The following SLC48A1 variants were observed in gnomAD, a reference collection of about 807,000 sequenced individuals.
SLC48A1 encodes heme transporter HRG1.
SLC48A1 carries 6 observed loss-of-function variants against 14.8 expected under a neutral mutation model. The observed-to-expected ratio is 0.41, with a 90% confidence interval of 0.22 to 0.80. SLC48A1 has a LOEUF of 0.80. SLC48A1 is among the 30% of genes least tolerant of loss of function. The probability of loss-of-function intolerance (pLI) is 0.34; values close to 1 mark genes in which losing one functional copy is unlikely to be tolerated. For synonymous variants in SLC48A1, 89 were observed against 90.0 expected, an observed-to-expected ratio of 0.99 and a Z score of 0.06; for missense variants, 165 against 204.8, an observed-to-expected ratio of 0.81 and a Z score of 1.19.
rs1942769116 is a variant in SLC48A1 at position 47,777,045 on chromosome 12, G to A, written c.137-1983G>A. 6.6e-6 allele frequency among the ~76,000 whole-genome samples: 1 copy of A among 152,176 alleles called. No homozygotes were observed. Among genetic ancestry groups the A allele is most frequent in the Non-Finnish European group, 1.5e-5 (1 of 68,034 alleles). ...AGACTGCTCCTTGAGTGTGCTCAGT[G>A]ACAACACCCCTTGTTCCCAGGGCCC... On this transcript the variant is annotated intron_variant, in intron 1 of 2. Coordinates refer to ENST00000442218, the MANE Select transcript of SLC48A1 (RefSeq NM_017842.3). The surrounding 1 kb of genome is among the most constrained non-coding windows in gnomAD (Gnocchi z 4.5).
chr12:47,768,273 G>T (rs140043916), upstream of SLC48A1, among the ~76,000 whole-genome samples: 3 of 152,100 alleles, frequency 2.0e-5, no homozygotes, highest in Non-Finnish European at 4.4e-5. Context: ...CACTGCACCC[G>T]GCCATGGCTA....
intron 2 of SLC48A1, chr12:47,760,551 A>G (rs939359733): frequency 1.2e-5 from 3 of 257,958 alleles, no homozygotes; most frequent in Non-Finnish European, 1.8e-5. Context: ...TGCTGCCCTT[A>G]CTCTGGGCAG....
In SLC48A1 at chr12:47,779,881, C is replaced by T. The variant is rs1298164126; in HGVS notation, c.305-264C>T. ...GTGCCCCTGATGATCTAATGTTTGA[C>T]GATCTGAGGTGGAACAGTTTCATCC... On this transcript the variant is annotated intron_variant, in intron 2 of 2. Transcript: ENST00000442218. Among the ~76,000 whole-genome samples the T allele has an allele frequency of 3.3e-5, 5 of 152,224 alleles. No individual in the cohort carries two copies. In the South Asian group the frequency reaches 6.2e-4, roughly 19 times the overall value.
chr12:47,773,177 CG>C (rs1345464568), upstream of SLC48A1: 25 of 987,146 alleles, frequency 2.5e-5, no homozygotes, highest in Non-Finnish European at 3.0e-5. Flanking sequence ...GCGCTGGGGG[CG>C]GGCCGGGGGC....
chr12:47,780,025 G>T, intron 2 of SLC48A1, 120 bp from the exon 3 acceptor site: 1 of 1,281,832 alleles, frequency 7.8e-7, no homozygotes, highest in South Asian at 1.6e-5. Flanking sequence ...TGAAGGGTTG[G>T]TTCAGCTGCC....
intron 2 of SLC48A1, among the ~76,000 whole-genome samples, chr12:47,762,042 GA>G (rs1942392527): frequency 6.6e-6 from 1 of 152,018 alleles, no homozygotes; most frequent in Non-Finnish European, 1.5e-5. Flanking sequence ...TATAAAGGGG[GA>G]AAAACTCATA....
chr12:47,773,699 C>A (rs1387724665), intron 1 of SLC48A1, among the ~76,000 whole-genome samples: 1 of 152,210 alleles, frequency 6.6e-6, no homozygotes, highest in Non-Finnish European at 1.5e-5. Flanking sequence ...ACAGACCTGC[C>A]GCGCCGCCCG....
intron 2 of SLC48A1, among the ~76,000 whole-genome samples, chr12:47,760,929 G>T (rs1300362050): frequency 6.6e-6 from 1 of 152,220 alleles, no homozygotes; most frequent in Non-Finnish European, 1.5e-5. Flanking sequence ...GGGTGCGATG[G>T]CTCACGCCTG....
chr12:47,770,959 A>G (rs1162790050), upstream of SLC48A1: 2 of 456,348 alleles, frequency 4.4e-6, no homozygotes, highest in Non-Finnish European at 8.8e-6. Flanking sequence ...GAAGCCATCC[A>G]TGGAAATGCA....
chr12:47,760,411 G>C, intron 2 of SLC48A1: 1 of 985,456 alleles, frequency 1.0e-6, no homozygotes, highest in Non-Finnish European at 1.2e-6. Flanking sequence ...GGTATGCATG[G>C]GGAAGAGTTA....
intron 1 of SLC48A1, among the ~76,000 whole-genome samples, chr12:47,773,739 C>G (rs1046780227): frequency 6.6e-6 from 1 of 152,214 alleles, no homozygotes; most frequent in East Asian, 1.9e-4. Flanking sequence ...CTGCCTGTCG[C>G]CCTCCGCCCA....
chr12:47,766,069 TA>T (rs1942509503), intron 2 of SLC48A1, among the ~76,000 whole-genome samples: 1 of 152,170 alleles, frequency 6.6e-6, no homozygotes, highest in Non-Finnish European at 1.5e-5. Context: ...CAAGTCTCTC[TA>T]GGGTGCCATT....
At chr12:47,760,106 T>TA (rs1053850219) in intron 1 of SLC48A1, 15 of 598,996 alleles carry the variant, frequency 2.5e-5, no homozygotes, top group Non-Finnish European at 3.1e-5. Flanking sequence ...TATACATGTA[T>TA]AAAAAATGTT....
At chr12:47,768,125 G>A (rs1197111766), upstream of SLC48A1, among the ~76,000 whole-genome samples, 6 of 152,074 alleles carry the variant, frequency 3.9e-5, no homozygotes, top group Non-Finnish European at 5.9e-5. Flanking sequence ...TTACAGGCAC[G>A]TGCCACCACG....
chr12:47,764,816 C>T (rs190949554), intron 2 of SLC48A1, among the ~76,000 whole-genome samples: 86 of 152,228 alleles, frequency 5.6e-4, no homozygotes, highest in Admixed American at 4.3e-3. Context: ...CGGTGGCTCA[C>T]GCCGGTAATC....
chr12:47,779,384 A>G (rs1057304878), intron 2 of SLC48A1, among the ~76,000 whole-genome samples, 189 bp downstream of exon 2: 2 of 152,204 alleles, frequency 1.3e-5, no homozygotes, highest in African/African-American at 2.4e-5. Context: ...GGTGGATTCT[A>G]TGAAACTGAT....
chr12:47,780,090 C>T, intron 2 of SLC48A1, 55 bp from the exon 3 acceptor site: 1 of 1,476,190 alleles, frequency 6.8e-7, no homozygotes, highest in Admixed American at 2.5e-5. Context: ...GTGGCCGGTG[C>T]AGAGGCCGAG....
At chr12:47,755,969 T>G (rs2238142), upstream of SLC48A1, 28,364 of 152,168 alleles carry the variant, frequency 0.19, 3,284 homozygotes, top group Admixed American at 0.34. Context: ...CATGATGGAA[T>G]GAAACCTCCC....
At chr12:47,774,577 ATAACTAAAAATAAC>A (rs1163917220) in intron 1 of SLC48A1, among the ~76,000 whole-genome samples, 3 of 152,224 alleles carry the variant, frequency 2.0e-5, no homozygotes. Flanking sequence ...CCTAAATGGA[ATAACTAAAAATAAC>A]TAATTTACTC....
Sources: gnomAD v4.1 joint callset for allele counts (sites outside exome capture counted in the v4.1 genomes callset) on GRCh38, gnomAD v4.1.1 for gene constraint, Gnocchi (gnomAD v3.1) non-coding constraint, MANE v1.5 for transcripts, NCBI Gene and HGNC (gene_info 2026-07-23, HGNC 2026-07-21) for gene names.